Variants in SFMBT2 observed in about 807,000 individuals in gnomAD.
SFMBT2 encodes scm-like with four MBT domains protein 2.
In SFMBT2, 38 loss-of-function variants were observed where a neutral mutation model predicts 110.1. That is an observed-to-expected ratio of 0.35 (90% CI 0.27 to 0.45). The LOEUF is 0.45. SFMBT2 is among the 20% of genes least tolerant of loss of function. SFMBT2 has a pLI of 1.00. For missense variants in SFMBT2, 1,011 were observed against 1,094.9 expected, an observed-to-expected ratio of 0.92 and a Z score of 1.08; for synonymous variants, 425 against 425.4, an observed-to-expected ratio of 1.00 and a Z score of 0.01.
At chr10:7,198,511 G>A (rs1838846961) in intron 14 of SFMBT2, among the ~76,000 whole-genome samples, 1 of 152,182 alleles carries the variant, frequency 6.6e-6, no homozygotes, top group Admixed American at 6.5e-5. Context: ...TACCCCAATT[G>A]ACACTCTTGT....
At chr10:7,390,516 A>T (rs980542091) in intron 1 of SFMBT2, among the ~76,000 whole-genome samples, 1 of 152,244 alleles carries the variant, frequency 6.6e-6, no homozygotes, top group Non-Finnish European at 1.5e-5. Flanking sequence ...AGAAACTATT[A>T]CGTGTGTCAT....
intron 9 of SFMBT2, among the ~76,000 whole-genome samples, chr10:7,243,161 A>G (rs577668077): frequency 4.6e-5 from 7 of 152,360 alleles, no homozygotes; most frequent in East Asian, 1.9e-4. Context: ...CTCTGGAGAA[A>G]GCTTAGCTCG....
intron 8 of SFMBT2, chr10:7,246,057 AC>A (rs1228345697): frequency 1.8e-6 from 1 of 542,562 alleles, no homozygotes; most frequent in Non-Finnish European, 2.4e-6. Flanking sequence ...TGAGTCTTGA[AC>A]CTGGAGAGGT....
intron 8 of SFMBT2, 151 bp downstream of exon 8, chr10:7,248,397 G>A (rs767234955): frequency 2.1e-5 from 13 of 625,960 alleles, no homozygotes; most frequent in South Asian, 9.7e-5. Context: ...TTAAAGCAGC[G>A]CTGGACTGGA....
At chr10:7,203,110 G>C in intron 12 of SFMBT2, 1 of 985,326 alleles carries the variant, frequency 1.0e-6, no homozygotes, top group Non-Finnish European at 1.2e-6. Flanking sequence ...ATAGACCAAA[G>C]CTTTTGGCAT....
At chr10:7,284,224 AG>A in intron 5 of SFMBT2, 74 bp from the exon 6 acceptor site, 1 of 1,556,348 alleles carries the variant, frequency 6.4e-7, no homozygotes, top group Non-Finnish European at 8.7e-7. Context: ...TGACAGCAGA[AG>A]ATAATATTTT....
At chr10:7,302,748 T>G (rs1842587769) in intron 4 of SFMBT2, among the ~76,000 whole-genome samples, 1 of 152,178 alleles carries the variant, frequency 6.6e-6, no homozygotes, top group Non-Finnish European at 1.5e-5. Context: ...CCCTCCTCAG[T>G]TTAGGTGGAG....
At chr10:7,204,703 A>ATC (rs1839069756) in intron 12 of SFMBT2, 1 of 189,900 alleles carries the variant, frequency 5.3e-6, no homozygotes, top group African/African-American at 2.4e-5. Context: ...GTGAAACCCC[A>ATC]TCTCTACCAA....
At chr10:7,189,002 A>T in intron 15 of SFMBT2, 1 of 307,152 alleles carries the variant, frequency 3.3e-6, no homozygotes, top group Non-Finnish European at 4.8e-6. Flanking sequence ...GACTCCCATT[A>T]ACTCTTCTAG....
At chr10:7,363,587 C>A (rs947357553) in intron 4 of SFMBT2, among the ~76,000 whole-genome samples, 1 of 152,164 alleles carries the variant, frequency 6.6e-6, no homozygotes, top group Non-Finnish European at 1.5e-5. Context: ...ACCTCGTGAT[C>A]CGCCCGCATC....
At chr10:7,234,905 C>T (rs1254636202) in intron 9 of SFMBT2, among the ~76,000 whole-genome samples, 1 of 152,184 alleles carries the variant, frequency 6.6e-6, no homozygotes, top group Non-Finnish European at 1.5e-5. Flanking sequence ...GGACCCGAGG[C>T]TACTATCTAC....
chr10:7,381,588 C>T (rs1273330218), intron 2 of SFMBT2, among the ~76,000 whole-genome samples: 2 of 152,152 alleles, frequency 1.3e-5, no homozygotes, highest in Non-Finnish European at 2.9e-5. Context: ...TGTTGCTGCA[C>T]TATAACCTAG....
intron 7 of SFMBT2, among the ~76,000 whole-genome samples, chr10:7,260,528 C>T (rs74117302): frequency 0.068 from 10,388 of 152,210 alleles, 849 homozygotes; most frequent in African/African-American, 0.19. Context: ...CCCTATGCTG[C>T]TTCTTCAAAG....
intron 12 of SFMBT2, chr10:7,203,054 C>T (rs1839009530): frequency 1.0e-6 from 1 of 985,414 alleles, no homozygotes; most frequent in Non-Finnish European, 1.2e-6. Flanking sequence ...TGGATAAGAA[C>T]ATTTCCAGTT....
intron 6 of SFMBT2, among the ~76,000 whole-genome samples, chr10:7,280,366 TC>T (rs1264887542): frequency 6.6e-6 from 1 of 151,280 alleles, no homozygotes; most frequent in East Asian, 1.9e-4. Flanking sequence ...GACTCCAAGA[TC>T]TAAAACAAGC....
chr10:7,398,872 G>A (rs779928611), intron 1 of SFMBT2, among the ~76,000 whole-genome samples: 7 of 152,184 alleles, frequency 4.6e-5, no homozygotes, highest in South Asian at 2.1e-4. Context: ...TGTCCATACC[G>A]CCATGAGACT....
At chr10:7,209,441 C>A (rs1378256363) in intron 11 of SFMBT2, among the ~76,000 whole-genome samples, 1 of 152,210 alleles carries the variant, frequency 6.6e-6, no homozygotes, top group African/African-American at 2.4e-5. Context: ...TTATCCAGAA[C>A]CTTCGTCTCA....
chr10:7,257,122 G>GGAGGGGAGGA (rs1189934189), intron 7 of SFMBT2, among the ~76,000 whole-genome samples: 2 of 148,960 alleles, frequency 1.3e-5, no homozygotes, highest in African/African-American at 4.9e-5. Context: ...GGAGGGGAGG[G>GGAGGGGAGGA]GAAAGAAAAG....
At chr10:7,195,525 G>C (rs1838740144) in intron 15 of SFMBT2, among the ~76,000 whole-genome samples, 1 of 152,218 alleles carries the variant, frequency 6.6e-6, no homozygotes, top group Admixed American at 6.5e-5. Context: ...ATGAAGATGT[G>C]TATGAAGGCC....
Sources: gnomAD v4.1 joint callset for allele counts (sites outside exome capture counted in the v4.1 genomes callset) on GRCh38, gnomAD v4.1.1 for gene constraint, MANE v1.5 for transcripts, NCBI Gene and HGNC (gene_info 2026-07-23, HGNC 2026-07-21) for gene names.